The following CSPP1 variants were observed in gnomAD, a reference collection of about 807,000 sequenced individuals.
CSPP1 encodes centrosome and spindle pole-associated protein 1.
CSPP1 carries 126 observed loss-of-function variants against 164.4 expected under a neutral mutation model. The observed-to-expected ratio is 0.77, with a 90% CI of 0.66 to 0.89. CSPP1 has a LOEUF of 0.89. Ranked by LOEUF, CSPP1 falls within the 40% of genes least tolerant of loss-of-function variation. CSPP1 has a pLI of 0.00. For missense variants in CSPP1, 1,395 were observed against 1,449.8 expected (o/e 0.96, Z 0.61); for synonymous variants, 472 against 476.7 (o/e 0.99, Z 0.13).
At chr8:67,191,103 A>T (rs1836111797) in intron 29 of CSPP1, among the ~76,000 whole-genome samples, 1 of 152,226 alleles carries the variant, frequency 6.6e-6, no homozygotes, top group Admixed American at 6.5e-5. Flanking sequence ...TAATTCTGTG[A>T]TATAGGCATC....
chr8:67,076,649 C>A, intron 3 of CSPP1, 68 bp downstream of exon 3: 1 of 865,884 alleles, frequency 1.2e-6, no homozygotes, highest in South Asian at 1.7e-5. Context: ...AGAGGTTTGT[C>A]TTGTCAGAAA....
At chr8:67,065,295 A>G (rs1805310422) in intron 1 of CSPP1, among the ~76,000 whole-genome samples, 1 of 152,120 alleles carries the variant, frequency 6.6e-6, no homozygotes, top group Admixed American at 6.5e-5. Flanking sequence ...TTGTCAGTAC[A>G]TGTTATTAAT....
chr8:67,139,239 A>G (rs1053037989), intron 17 of CSPP1, among the ~76,000 whole-genome samples: 17 of 152,384 alleles, frequency 1.1e-4, no homozygotes, highest in Admixed American at 1.0e-3. Flanking sequence ...GACACATGAA[A>G]AAATGCTCAT....
intron 13 of CSPP1, 39 bp downstream of exon 13, chr8:67,116,161 G>A (rs755746976): frequency 1.4e-6 from 2 of 1,404,276 alleles, no homozygotes; most frequent in Non-Finnish European, 2.0e-6. Context: ...AATTAGGTAA[G>A]GTATTGCTAT....
chr8:67,173,940 A>C (rs2129567954), intron 25 of CSPP1: 1 of 152,252 alleles, frequency 6.6e-6, no homozygotes, highest in East Asian at 1.9e-4. Context: ...TAATGATTTC[A>C]TCTCTTTGAA....
At chr8:67,169,736 G>A (rs1489734009) in intron 24 of CSPP1, among the ~76,000 whole-genome samples, 1 of 150,722 alleles carries the variant, frequency 6.6e-6, no homozygotes, top group Non-Finnish European at 1.5e-5. Flanking sequence ...CACCGTGCCC[G>A]GCCAGTACCA....
chr8:67,137,609 T>C lies in CSPP1; in HGVS notation c.1975+6T>C, dbSNP rs550316751. Reference sequence around the variant, plus strand: ...TGCAAAAGGAAATCTGATAAGTACGTTATTTCTACTGACTTGTTTTTAAAA... The same window carrying C: ...TGCAAAAGGAAATCTGATAAGTACGCTATTTCTACTGACTTGTTTTTAAAA... On this transcript the variant is annotated splice_donor_region_variant and intron_variant, in intron 17 of 30. Coordinates refer to ENST00000678616, the MANE Select transcript of CSPP1 (RefSeq NM_001382391.1). The C allele has an allele frequency of 8.0e-6, 12 of 1,509,250 alleles. No individual in the cohort carries two copies. The East Asian group carries it at 2.8e-4, about 36-fold the overall frequency. 93.5% of individuals were successfully genotyped at this position (1,509,250 alleles called of 1,614,324 possible).
intron 30 of CSPP1, among the ~76,000 whole-genome samples, 163 bp downstream of exon 30, chr8:67,193,765 A>T (rs7820540): frequency 3.9e-4 from 59 of 152,348 alleles, no homozygotes; most frequent in African/African-American, 1.4e-3. Flanking sequence ...ACCAGACCTC[A>T]GGATGCAGTT....
chr8:67,070,146 T>C (rs536786458), intron 1 of CSPP1, among the ~76,000 whole-genome samples: 11 of 152,030 alleles, frequency 7.2e-5, no homozygotes, highest in Non-Finnish European at 1.6e-4. Context: ...GGAAAAATCT[T>C]TCGTGACTAT....
rs1812096294 is a variant in CSPP1 at position 67,093,686 on chromosome 8, G to A, written c.483+45G>A. ...TAAATCTGTACTACTACTACCACAG[G>A]TTGAATATTTTGTACTTGAAAAGCT... On this transcript the variant is annotated intron_variant, in intron 6 of 30. Transcript: ENST00000678616. The A allele has an allele frequency of 4.8e-6, 5 of 1,047,764 alleles. No homozygotes were observed. The African/African-American group carries it at 6.4e-5, about 14-fold the overall frequency. 64.9% of individuals were successfully genotyped at this position (1,047,764 alleles called of 1,614,324 possible).
upstream of CSPP1, chr8:67,064,389 G>C (rs1056653479): frequency 6.2e-7 from 1 of 1,612,776 alleles, no homozygotes; most frequent in Non-Finnish European, 8.5e-7. Context: ...CCCCGGCCCG[G>C]AGGTCTGTCA....
At chr8:67,066,857 C>T (rs774570635) in intron 1 of CSPP1, among the ~76,000 whole-genome samples, 1 of 151,182 alleles carries the variant, frequency 6.6e-6, no homozygotes, top group Non-Finnish European at 1.5e-5. Flanking sequence ...GGTGTGATCT[C>T]GGCTCACTGC....
intron 24 of CSPP1, among the ~76,000 whole-genome samples, chr8:67,165,042 T>C (rs551409286): frequency 1.6e-4 from 25 of 152,308 alleles, no homozygotes; most frequent in South Asian, 2.1e-4. Flanking sequence ...CCAGCACTTT[T>C]GGGAGGCCAA....
chr8:67,128,315 A>C (rs1480375318), intron 15 of CSPP1, among the ~76,000 whole-genome samples: 1 of 151,898 alleles, frequency 6.6e-6, no homozygotes, highest in Non-Finnish European at 1.5e-5. Context: ...GAGGCGGGTG[A>C]ATCACCTGAG....
At chr8:67,096,505 C>G (rs1307431705) in intron 7 of CSPP1, among the ~76,000 whole-genome samples, 3 of 151,382 alleles carry the variant, frequency 2.0e-5, no homozygotes, top group Admixed American at 6.6e-5. Flanking sequence ...GCAGAGGTTG[C>G]AGTGAGCAGA....
At chr8:67,086,148 A>G (rs1462157988) in intron 4 of CSPP1, 38 bp downstream of exon 4, 2 of 932,812 alleles carry the variant, frequency 2.1e-6, no homozygotes, top group Non-Finnish European at 3.6e-6. Flanking sequence ...TTAATGTTTC[A>G]GAATTCAGCT....
At chr8:67,190,187 GGTAAATGCATAGACAA>G (rs1835818005) in intron 28 of CSPP1, among the ~76,000 whole-genome samples, 2 of 152,116 alleles carry the variant, frequency 1.3e-5, no homozygotes, top group Non-Finnish European at 2.9e-5. Flanking sequence ...TCCATCTACT[GGTAAATGCATAGACAA>G]AATATGACGT....
At chr8:67,153,994 A>T in intron 18 of CSPP1, 30 bp from the exon 19 acceptor site, 1 of 970,150 alleles carries the variant, frequency 1.0e-6, no homozygotes, top group Non-Finnish European at 1.7e-6. Context: ...ATTGGCTAAT[A>T]GTATGTTTTT....
chr8:67,127,840 A>G (rs1442857060), intron 15 of CSPP1, among the ~76,000 whole-genome samples: 2 of 152,348 alleles, frequency 1.3e-5, no homozygotes, highest in East Asian at 3.9e-4. Context: ...AACTTGTTAT[A>G]AAAGTTAGAT....
Sources: gnomAD v4.1 joint callset for allele counts (sites outside exome capture counted in the v4.1 genomes callset) on GRCh38, gnomAD v4.1.1 for gene constraint, MANE v1.5 for transcripts, NCBI Gene and HGNC (gene_info 2026-07-23, HGNC 2026-07-21) for gene names.